The following INSR variants were observed in gnomAD, a reference collection of about 807,000 sequenced individuals.
INSR encodes IR.
INSR carries 67 observed loss-of-function variants against 142.6 expected under a neutral mutation model. The ratio of observed to expected loss-of-function variants is 0.47; its 90% CI spans 0.39 to 0.58. The LOEUF (loss-of-function observed/expected upper bound fraction) is 0.58. Ranked by LOEUF, INSR falls within the 20% of genes least tolerant of loss-of-function variation. The pLI, the probability that INSR is intolerant of heterozygous loss-of-function variation, is 0.00. For missense variants in INSR, 1,248 were observed against 1,833.2 expected (o/e 0.68, Z 5.83); for synonymous variants, 756 against 743.1 (o/e 1.02, Z -0.28).
chr19:7,208,424 G>GA (rs748762494), intron 2 of INSR, among the ~76,000 whole-genome samples: 36 of 150,076 alleles, frequency 2.4e-4, no homozygotes, highest in South Asian at 2.1e-3. Context: ...TTAGCAACCG[G>GA]AAAAAAAAAA....
At chr19:7,208,322 C>G (rs1489595043) in intron 2 of INSR, among the ~76,000 whole-genome samples, 1 of 140,730 alleles carries the variant, frequency 7.1e-6, no homozygotes, top group Non-Finnish European at 1.5e-5. Context: ...GAACTTCCTT[C>G]CTATCTGTTT....
intron 1 of INSR, among the ~76,000 whole-genome samples, chr19:7,268,235 C>T (rs978635789): frequency 6.6e-6 from 1 of 152,082 alleles, no homozygotes; most frequent in African/African-American, 2.4e-5. Flanking sequence ...GAACTGTCTC[C>T]AGTGCGTCAA....
chr19:7,228,146 A>T (rs1333001443), intron 2 of INSR, among the ~76,000 whole-genome samples: 1 of 152,186 alleles, frequency 6.6e-6, no homozygotes, highest in Non-Finnish European at 1.5e-5. Context: ...TAGTGATGAC[A>T]CAGGGTCCGG....
At chr19:7,155,685 G>A (rs866885403) in intron 9 of INSR, among the ~76,000 whole-genome samples, 2 of 151,486 alleles carry the variant, frequency 1.3e-5, no homozygotes, top group Non-Finnish European at 2.9e-5. Flanking sequence ...GGCTGAGGGG[G>A]AAGGATCACT....
chr19:7,132,758 A>G (rs539704910), intron 13 of INSR, among the ~76,000 whole-genome samples: 2 of 151,702 alleles, frequency 1.3e-5, no homozygotes, highest in Non-Finnish European at 2.9e-5. Flanking sequence ...CGCCTGCCTA[A>G]TTTTGTATTT....
At chr19:7,236,086 A>G (rs1440012956) in intron 2 of INSR, among the ~76,000 whole-genome samples, 2 of 147,910 alleles carry the variant, frequency 1.4e-5, no homozygotes, top group Admixed American at 6.9e-5. Context: ...CAATTCTCCC[A>G]CCATAGCTTG....
chr19:7,134,948 G>C (rs1972871717), intron 13 of INSR, among the ~76,000 whole-genome samples: 1 of 144,296 alleles, frequency 6.9e-6, no homozygotes, highest in Admixed American at 7.3e-5. Flanking sequence ...GGAGGCTCTT[G>C]GGAATAAGAC....
At chr19:7,205,786 AG>A (rs1368716229) in intron 2 of INSR, among the ~76,000 whole-genome samples, 1 of 152,130 alleles carries the variant, frequency 6.6e-6, no homozygotes, top group Non-Finnish European at 1.5e-5. Context: ...GCTATTCGGG[AG>A]GCTGAGGTGG....
intron 2 of INSR, among the ~76,000 whole-genome samples, chr19:7,218,745 T>C (rs1975512544): frequency 6.6e-6 from 1 of 152,198 alleles, no homozygotes; most frequent in Admixed American, 6.5e-5. Context: ...GGTTTCGCCA[T>C]GTTGGCCAGG....
At chr19:7,231,728 A>G (rs1245572690) in intron 2 of INSR, among the ~76,000 whole-genome samples, 1 of 151,872 alleles carries the variant, frequency 6.6e-6, no homozygotes, top group Non-Finnish European at 1.5e-5. Flanking sequence ...CCTGGCAGTA[A>G]ACCCCATCTA....
At chr19:7,177,423 C>T (rs1467338465) in intron 3 of INSR, among the ~76,000 whole-genome samples, 1 of 152,166 alleles carries the variant, frequency 6.6e-6, no homozygotes, top group Non-Finnish European at 1.5e-5. Flanking sequence ...ATCGCTTAAG[C>T]TTCTTGATAC....
intron 1 of INSR, among the ~76,000 whole-genome samples, chr19:7,290,133 C>T (rs1200963848): frequency 3.3e-5 from 5 of 152,096 alleles, no homozygotes; most frequent in African/African-American, 9.7e-5. Flanking sequence ...GGCCAGACAC[C>T]GTGGCTCATG....
intron 2 of INSR, among the ~76,000 whole-genome samples, chr19:7,209,749 G>A (rs1359083954): frequency 6.6e-6 from 1 of 152,104 alleles, no homozygotes; most frequent in Admixed American, 6.6e-5. Context: ...AGATGTACAT[G>A]AGGGTAAAAA....
intron 2 of INSR, among the ~76,000 whole-genome samples, chr19:7,212,595 GT>G (rs1330322355): frequency 2.0e-5 from 3 of 152,018 alleles, no homozygotes; most frequent in African/African-American, 4.8e-5. Context: ...TTATTTTTGG[GT>G]TTTTTTGAGA....
intron 1 of INSR, among the ~76,000 whole-genome samples, chr19:7,272,812 A>T (rs796612577): frequency 3.3e-5 from 5 of 152,064 alleles, no homozygotes. Flanking sequence ...AAACTCCTGA[A>T]CTCAAGCAAT....
At chr19:7,209,899 A>G (rs1291009556) in intron 2 of INSR, among the ~76,000 whole-genome samples, 1 of 152,202 alleles carries the variant, frequency 6.6e-6, no homozygotes, top group Non-Finnish European at 1.5e-5. Flanking sequence ...CCTCCAGAAC[A>G]AAAACGCTGT....
chr19:7,218,741 G>T (rs562034485), intron 2 of INSR, among the ~76,000 whole-genome samples: 1 of 152,040 alleles, frequency 6.6e-6, no homozygotes, highest in South Asian at 2.1e-4. Flanking sequence ...ATGGGGTTTC[G>T]CCATGTTGGC....
At chr19:7,147,078 AG>A (rs1973202823) in intron 11 of INSR, among the ~76,000 whole-genome samples, 1 of 152,190 alleles carries the variant, frequency 6.6e-6, no homozygotes, top group Non-Finnish European at 1.5e-5. Flanking sequence ...CTACAAGTTA[AG>A]GTATGTGATA....
intron 2 of INSR, among the ~76,000 whole-genome samples, chr19:7,206,607 G>T (rs918845032): frequency 6.6e-6 from 1 of 152,150 alleles, no homozygotes; most frequent in Non-Finnish European, 1.5e-5. Flanking sequence ...CTCTTTATGA[G>T]AATCTAATGC....
Sources: gnomAD v4.1 joint callset for allele counts (sites outside exome capture counted in the v4.1 genomes callset) on GRCh38, gnomAD v4.1.1 for gene constraint, MANE v1.5 for transcripts, NCBI Gene and HGNC (gene_info 2026-07-23, HGNC 2026-07-21) for gene names.